ATM: variants seen among roughly 807,000 people sequenced by gnomAD.
The protein encoded by ATM is serine-protein kinase ATM.
In ATM, 308 loss-of-function variants were observed where a neutral mutation model predicts 387.0. That is an observed-to-expected ratio of 0.80 (90% CI 0.73 to 0.87). The LOEUF (loss-of-function observed/expected upper bound fraction) is 0.87, where lower values mean the gene tolerates loss of function less well. Among genes scored for constraint, ATM ranks in the 40% least tolerant of loss-of-function variants. The pLI, the probability that ATM is intolerant of heterozygous loss-of-function variation, is 0.00. For missense variants in ATM, 3,312 were observed against 3,560.9 expected, an observed-to-expected ratio of 0.93 and a Z score of 1.78; for synonymous variants, 1,156 against 1,187.3, an observed-to-expected ratio of 0.97 and a Z score of 0.54.
chr11:108,238,598 G>C (rs1275961978), intron 5 of ATM, among the ~76,000 whole-genome samples: 1 of 152,032 alleles, frequency 6.6e-6, no homozygotes, highest in Non-Finnish European at 1.5e-5. Context: ...CAGAAGTCCA[G>C]TTAATTTTTG....
chr11:108,293,890 A>AT (rs1302293674), intron 31 of ATM, among the ~76,000 whole-genome samples: 1,184 of 109,258 alleles, frequency 0.011, 4 homozygotes, highest in African/African-American at 0.018. Context: ...AAAAAAAAAA[A>AT]AAAAATATAT....
chr11:108,256,493 T>G (rs1371347608), intron 14 of ATM, among the ~76,000 whole-genome samples, 153 bp downstream of exon 14: 1 of 152,186 alleles, frequency 6.6e-6, no homozygotes, highest in East Asian at 1.9e-4. Context: ...ATACTATGTA[T>G]TTTTTAAATT....
chr11:108,262,285 T>A (rs1244922909), intron 16 of ATM, among the ~76,000 whole-genome samples: 3 of 152,210 alleles, frequency 2.0e-5, no homozygotes, highest in African/African-American at 7.2e-5. Flanking sequence ...AGCGGATCTC[T>A]CCGCAGAAAC....
At position 108,252,995 on chromosome 11, in the gene ATM, C is replaced by T. The variant is rs953603063; in HGVS notation, c.1898+83C>T. Reference sequence around the variant, plus strand: ...GATAATTTTAGCTGGGTAGTAGCTGCATCTTAATAATTGTAAACTAAATTG... The same window carrying T: ...GATAATTTTAGCTGGGTAGTAGCTGTATCTTAATAATTGTAAACTAAATTG... On this transcript the variant is annotated intron_variant, in intron 12 of 62. Transcript: ENST00000675843. The T allele has an allele frequency of 5.8e-6, 7 of 1,208,082 alleles. No homozygotes were observed. In the African/African-American group the frequency reaches 7.6e-5, roughly 13 times the overall value. The allele number at this position is 1,208,082 out of a possible 1,614,324, so 74.8% of individuals were successfully genotyped here. A position where few individuals can be genotyped will look rare whatever the true frequency, so the allele number is the denominator to read the frequency against.
At chr11:108,246,027 T>C (rs2079832355) in intron 7 of ATM, among the ~76,000 whole-genome samples, 1 of 152,060 alleles carries the variant, frequency 6.6e-6, no homozygotes, top group Non-Finnish European at 1.5e-5. Flanking sequence ...TCTCACCATG[T>C]TGGCCAAGCT....
intron 59 of ATM, among the ~76,000 whole-genome samples, chr11:108,347,644 A>G (rs1418290046): frequency 1.3e-5 from 2 of 152,260 alleles, no homozygotes; most frequent in Middle Eastern, 3.4e-3. Context: ...ATTCAAAAGA[A>G]GGAATCAGGG....
At chr11:108,228,804 T>A (rs1456613556) in intron 3 of ATM, among the ~76,000 whole-genome samples, 1 of 152,222 alleles carries the variant, frequency 6.6e-6, no homozygotes, top group Non-Finnish European at 1.5e-5. Flanking sequence ...CAGGCTTAAT[T>A]TATTGGCTGG....
rs1203521531 is a variant in ATM, at chr11:108,343,504, G to T, written c.8418+133G>T. ...TAATTGTCAAAGATACTAAGTAAAA[G>T]AAAAACTCATCAGAATGAAAGTGTG... On this transcript the variant is annotated intron_variant, in intron 57 of 62. Transcript: ENST00000675843. 6.6e-6 allele frequency: 7 copies of T among 1,064,900 alleles called. No individual in the cohort carries two copies. The African/African-American group carries it at 9.7e-5, about 15-fold the overall frequency. The allele number at this position is 1,064,900 out of a possible 1,614,324, so 66.0% of individuals were successfully genotyped here. A position where few individuals can be genotyped will look rare whatever the true frequency, so the allele number is the denominator to read the frequency against.
At position 108,345,838 on chromosome 11, in the gene ATM, A is replaced by G. The variant is rs1591264927; in HGVS notation, c.8514A>G (p.Lys2838=). Residue 2838 remains lysine, a synonymous_variant, in exon 58 of 63, where the codon AAA becomes AAG. Transcript: ENST00000675843. The part of the protein sequence containing the change: ...QPVFRYFCME[K]FLDPAIWFEK... ...TTTTCCGTTACTTCTGCATGGAAAA[A>G]TTCTTGGATCCAGCTATTTGGTTTG... 6.2e-7 allele frequency: 1 copy of G among 1,613,888 alleles called. No individual in the cohort carries two copies. The highest frequency in any genetic ancestry group is 8.5e-7 in the Non-Finnish European group (1 of 1,179,862).
At chr11:108,331,682 CT>C (rs1330694562) in intron 51 of ATM, 125 bp downstream of exon 51, 7 of 1,354,508 alleles carry the variant, frequency 5.2e-6, no homozygotes, top group Non-Finnish European at 7.0e-6. Flanking sequence ...TTTTTGTCTT[CT>C]CACATCACAT....
At chr11:108,253,759 T>C (rs4987951) in intron 12 of ATM, 55 bp from the exon 13 acceptor site, 4 of 1,348,450 alleles carry the variant, frequency 3.0e-6, no homozygotes, top group East Asian at 2.3e-5. Context: ...CTAATACATA[T>C]AAGGCAAAGC....
At chr11:108,281,917 G>T (rs1252810322) in intron 24 of ATM, among the ~76,000 whole-genome samples, 2 of 151,834 alleles carry the variant, frequency 1.3e-5, no homozygotes, top group Admixed American at 1.3e-4. Context: ...GTATTGTTTG[G>T]ATTTTTCTTA....
In ATM at chr11:108,284,480, C is replaced by T; in HGVS notation, c.3993+7C>T. 6.2e-7 allele frequency: 1 copy of T among 1,613,658 alleles called. No individual in the cohort carries two copies. Among genetic ancestry groups the T allele is most frequent in the Non-Finnish European group, 8.5e-7 (1 of 1,179,754 alleles). ...AAACTTATTGGGAAAACAGGTATGGCTTCAATTTTTATGTACTTTTCATTC... is the reference window on the plus strand; with the variant it reads ...AAACTTATTGGGAAAACAGGTATGGTTTCAATTTTTATGTACTTTTCATTC... On this transcript the variant is annotated splice_region_variant and intron_variant, in intron 26 of 62. Coordinates refer to ENST00000675843, the MANE Select transcript of ATM (RefSeq NM_000051.4).
intron 1 of ATM, 66 bp from the exon 2 acceptor site, chr11:108,227,529 C>A: frequency 9.9e-7 from 1 of 1,012,350 alleles, no homozygotes; most frequent in Non-Finnish European, 1.5e-6. Flanking sequence ...TTTTTTCACA[C>A]CTCTTTCTCT....
intron 43 of ATM, among the ~76,000 whole-genome samples, chr11:108,319,296 CT>C (rs2085015077): frequency 6.6e-6 from 1 of 152,072 alleles, no homozygotes; most frequent in African/African-American, 2.4e-5. Context: ...TCTTGCTTGC[CT>C]CTGTAAATCA....
At chr11:108,324,031 A>C (rs1023769711) in intron 45 of ATM, among the ~76,000 whole-genome samples, 2 of 141,494 alleles carry the variant, frequency 1.4e-5, no homozygotes, top group Non-Finnish European at 3.1e-5. Context: ...CTATGGATTC[A>C]ACCAACCGCA....
chr11:108,331,166 T>A (rs1224047008), intron 50 of ATM: 3 of 1,126,850 alleles, frequency 2.7e-6, no homozygotes, highest in African/African-American at 1.6e-5. Context: ...TTTGTCTTCC[T>A]TAGATTTTTT....
In ATM at chr11:108,255,218, G is replaced by A. The variant is rs139922551; in HGVS notation, c.2125-997G>A. Among the ~76,000 whole-genome samples the A allele has an allele frequency of 7.0e-3, 1,059 of 152,162 alleles. 16 individuals are homozygous for A. Among genetic ancestry groups the A allele is most frequent in the African/African-American group, 0.024 (981 of 41,520 alleles). ...TCGGTAGCCAGGGAAAATGACTTGA[G>A]GACATGAGAGGGGACAGTGTGCCTC... On this transcript the variant is annotated intron_variant, in intron 13 of 62. Transcript: ENST00000675843.
At position 108,321,286 on chromosome 11, in the gene ATM, C is replaced by A. The variant is rs763296454; in HGVS notation, c.6453-15C>A. On this transcript the variant is annotated splice_polypyrimidine_tract_variant and intron_variant, in intron 44 of 62. Transcript: ENST00000675843. Reference sequence around the variant, plus strand: ...CTTCTTTATTTTCAGAGTGTCTTTTCTTTTTTGCTACTAGAGTAAAAGAAG... The same window carrying A: ...CTTCTTTATTTTCAGAGTGTCTTTTATTTTTTGCTACTAGAGTAAAAGAAG... 15 of 1,613,330 alleles carry A rather than the reference C, an allele frequency of 9.3e-6. No individual in the cohort carries two copies. The East Asian group carries it at 2.2e-4, about 24-fold the overall frequency.
Sources: gnomAD v4.1 joint callset for allele counts (sites outside exome capture counted in the v4.1 genomes callset) on GRCh38, gnomAD v4.1.1 for gene constraint, MANE v1.5 for transcripts, NCBI Gene and HGNC (gene_info 2026-07-23, HGNC 2026-07-21) for gene names.